Variants in SH3GL2 observed in about 807,000 individuals in gnomAD.
The protein encoded by SH3GL2 is SH3 domain containing GRB2 like 2, endophilin A1, also known as endophilin-A1.
In SH3GL2, 24 loss-of-function variants were observed where a neutral mutation model predicts 46.0. The ratio of observed to expected loss-of-function variants is 0.52; its 90% CI spans 0.38 to 0.73. The LOEUF (loss-of-function observed/expected upper bound fraction) is 0.73, where lower values mean the gene tolerates loss of function less well. Ranked by LOEUF, SH3GL2 falls within the 30% of genes least tolerant of loss-of-function variation. The pLI is 0.00. For synonymous variants in SH3GL2, 196 were observed against 147.1 expected (o/e 1.33, Z -2.40); for missense variants, 413 against 424.2 (o/e 0.97, Z 0.23).
intron 3 of SH3GL2, among the ~76,000 whole-genome samples, chr9:17,778,529 T>C (rs1663760121): frequency 6.6e-6 from 1 of 152,124 alleles, no homozygotes; most frequent in Non-Finnish European, 1.5e-5. Context: ...GTCACCATTG[T>C]TGGGACTTTG....
intron 1 of SH3GL2, among the ~76,000 whole-genome samples, chr9:17,637,422 C>G (rs998103838): frequency 2.0e-5 from 3 of 152,148 alleles, no homozygotes; most frequent in Admixed American, 2.0e-4. Flanking sequence ...TCCCTTGTAG[C>G]ACTTGTGCTG....
intron 1 of SH3GL2, among the ~76,000 whole-genome samples, chr9:17,682,361 A>C (rs1412380796): frequency 6.6e-6 from 1 of 152,222 alleles, no homozygotes; most frequent in Non-Finnish European, 1.5e-5. Context: ...CATGTACACC[A>C]TGGAATACTA....
At chr9:17,604,382 CTGAG>C (rs1818726180) in intron 1 of SH3GL2, among the ~76,000 whole-genome samples, 1 of 152,172 alleles carries the variant, frequency 6.6e-6, no homozygotes, top group Non-Finnish European at 1.5e-5. Context: ...TGGGGATTAA[CTGAG>C]TGAATGCATT....
chr9:17,661,661 A>T (rs989861310), intron 1 of SH3GL2, among the ~76,000 whole-genome samples: 2 of 152,206 alleles, frequency 1.3e-5, no homozygotes, highest in South Asian at 4.1e-4. Flanking sequence ...ATAAAACAAA[A>T]CATGCCCTTG....
At chr9:17,664,501 A>C (rs1404393245) in intron 1 of SH3GL2, among the ~76,000 whole-genome samples, 1 of 152,074 alleles carries the variant, frequency 6.6e-6, no homozygotes, top group East Asian at 1.9e-4. Context: ...TTGAGCTCAC[A>C]TGGTTGTCAG....
intron 1 of SH3GL2, among the ~76,000 whole-genome samples, chr9:17,583,352 A>G (rs1204146252): frequency 6.6e-6 from 1 of 152,168 alleles, no homozygotes; most frequent in Non-Finnish European, 1.5e-5. Context: ...GGAGGTGACT[A>G]AGTCATGAGG....
At chr9:17,787,290 T>A in intron 4 of SH3GL2, 90 bp from the exon 5 acceptor site, 1 of 1,007,918 alleles carries the variant, frequency 9.9e-7, no homozygotes, top group Non-Finnish European at 1.5e-6. Flanking sequence ...CAAGTGGTAA[T>A]CCTTTGGGTT....
chr9:17,683,649 C>T lies in SH3GL2; in HGVS notation c.46-63417C>T, dbSNP rs187660536. On this transcript the variant is annotated intron_variant, in intron 1 of 8. Transcript: ENST00000380607. Reference sequence around the variant, plus strand: ...GAGGTTGAACCAGAACAAGAGAATACTTCCTCTCTACATACACCAGGATGC... The same window carrying T: ...GAGGTTGAACCAGAACAAGAGAATATTTCCTCTCTACATACACCAGGATGC... Among the ~76,000 whole-genome samples the T allele has an allele frequency of 2.6e-5, 4 of 152,192 alleles. No homozygotes were observed. The East Asian group carries it at 7.8e-4, about 30-fold the overall frequency.
At chr9:17,643,689 G>C (rs570737915) in intron 1 of SH3GL2, among the ~76,000 whole-genome samples, 15 of 152,316 alleles carry the variant, frequency 9.8e-5, no homozygotes, top group East Asian at 1.9e-4. Context: ...AAGCCGACTT[G>C]ATCGTGGTGG....
At chr9:17,766,203 G>A (rs113774962) in intron 3 of SH3GL2, among the ~76,000 whole-genome samples, 4,350 of 152,326 alleles carry the variant, frequency 0.029, 100 homozygotes, top group Middle Eastern at 0.058. Flanking sequence ...TAACTGATGA[G>A]ATGTGGAAGT....
chr9:17,666,156 G>A (rs1174147035), intron 1 of SH3GL2, among the ~76,000 whole-genome samples: 3 of 151,716 alleles, frequency 2.0e-5, no homozygotes, highest in Non-Finnish European at 4.4e-5. Flanking sequence ...CTTAGGCTGG[G>A]GGTATGTAGT....
intron 1 of SH3GL2, among the ~76,000 whole-genome samples, chr9:17,581,050 A>T (rs1818268063): frequency 6.6e-6 from 1 of 152,218 alleles, no homozygotes. Context: ...GGTTGAGGTG[A>T]AGAGAAACGA....
intron 1 of SH3GL2, among the ~76,000 whole-genome samples, chr9:17,709,702 C>G (rs2118260399): frequency 6.6e-6 from 1 of 151,816 alleles, no homozygotes; most frequent in South Asian, 2.1e-4. Flanking sequence ...CACACACACA[C>G]ACACACACAC....
At chr9:17,667,463 A>G (rs973863080) in intron 1 of SH3GL2, among the ~76,000 whole-genome samples, 2 of 152,144 alleles carry the variant, frequency 1.3e-5, no homozygotes, top group African/African-American at 4.8e-5. Flanking sequence ...TTCTCTTAGC[A>G]TAGTGTTTTC....
intron 1 of SH3GL2, among the ~76,000 whole-genome samples, chr9:17,612,652 A>T (rs1052976534): frequency 1.3e-5 from 2 of 152,110 alleles, no homozygotes; most frequent in Admixed American, 6.5e-5. Flanking sequence ...TACTTGAAAA[A>T]GCAGCTCACT....
At chr9:17,725,557 G>A (rs1427175458) in intron 1 of SH3GL2, among the ~76,000 whole-genome samples, 1 of 152,084 alleles carries the variant, frequency 6.6e-6, no homozygotes, top group Non-Finnish European at 1.5e-5. Flanking sequence ...CTGTCCTCAG[G>A]GCATGCCATT....
At chr9:17,704,047 G>T (rs937812404) in intron 1 of SH3GL2, among the ~76,000 whole-genome samples, 3 of 152,044 alleles carry the variant, frequency 2.0e-5, no homozygotes, top group African/African-American at 7.2e-5. Context: ...AAATCCCATA[G>T]TCTCTGCCAG....
intron 1 of SH3GL2, among the ~76,000 whole-genome samples, chr9:17,587,629 G>A (rs1346759411): frequency 2.6e-5 from 4 of 152,132 alleles, no homozygotes; most frequent in Non-Finnish European, 4.4e-5. Context: ...TGTAATCCCC[G>A]CACTTTGGGA....
intron 1 of SH3GL2, among the ~76,000 whole-genome samples, chr9:17,658,536 A>G (rs1461310869): frequency 1.3e-5 from 2 of 152,236 alleles, no homozygotes; most frequent in Admixed American, 1.3e-4. Flanking sequence ...TGTGTACTGT[A>G]TGTGCCAGCC....
Sources: allele counts gnomAD v4.1 joint callset (sites outside exome capture counted in the v4.1 genomes callset), GRCh38; gene constraint gnomAD v4.1.1; transcripts MANE v1.5; gene names NCBI Gene and HGNC (gene_info 2026-07-23, HGNC 2026-07-21).